Variants in NRP1 observed in about 807,000 individuals in gnomAD.
The protein encoded by NRP1 is neuropilin 1.
Under a neutral mutation model 106.7 loss-of-function variants are expected in NRP1, and 35 were observed. The ratio of observed to expected loss-of-function variants is 0.33; its 90% CI spans 0.25 to 0.43. The LOEUF (loss-of-function observed/expected upper bound fraction) is 0.43. NRP1 is among the 20% of genes least tolerant of loss of function. NRP1 has a pLI of 1.00. For missense variants in NRP1, 1,024 were observed against 1,170.4 expected (o/e 0.87, Z 1.83); for synonymous variants, 437 against 417.9 (o/e 1.05, Z -0.56).
chr10:33,281,183 G>A (rs1209306770), intron 2 of NRP1, among the ~76,000 whole-genome samples: 1 of 151,806 alleles, frequency 6.6e-6, no homozygotes, highest in Non-Finnish European at 1.5e-5. Flanking sequence ...CCAAGTAGCT[G>A]GGATTACAGG....
At chr10:33,229,299 G>A (rs985820621) in intron 6 of NRP1, among the ~76,000 whole-genome samples, 6 of 152,126 alleles carry the variant, frequency 3.9e-5, no homozygotes, top group Admixed American at 2.6e-4. Context: ...TCACAATGCC[G>A]CAATCTAAAA....
intron 2 of NRP1, among the ~76,000 whole-genome samples, chr10:33,314,695 G>A (rs1471617732): frequency 2.0e-5 from 3 of 152,140 alleles, no homozygotes; most frequent in Non-Finnish European, 4.4e-5. Flanking sequence ...GAGAGCCCAG[G>A]CAGCAGTGGA....
In NRP1 at chr10:33,334,272, G is replaced by A; in HGVS notation, c.73+38C>T. On this transcript the variant is annotated intron_variant, in intron 1 of 16. Coordinates refer to ENST00000374867, the MANE Select transcript of NRP1 (RefSeq NM_003873.7). ...GTCCGGGGCGGGCAGCTGGGAGCCG[G>A]GGCGCCGCTGTCACCCGCGCCTCTG... 3 of 1,527,558 alleles carry A rather than the reference G, an allele frequency of 2.0e-6. No individual in the cohort carries two copies. In the South Asian group the frequency reaches 3.6e-5, roughly 18 times the overall value. 94.6% of individuals were successfully genotyped at this position (1,527,558 alleles called of 1,614,324 possible). A position where few individuals can be genotyped will look rare whatever the true frequency, so the allele number is the denominator to read the frequency against.
At chr10:33,184,670 C>A (rs1352155098) in intron 15 of NRP1, among the ~76,000 whole-genome samples, 1 of 152,310 alleles carries the variant, frequency 6.6e-6, no homozygotes, top group East Asian at 1.9e-4. Context: ...AGCAGATTCC[C>A]TTTAATAGTA....
rs367958671 is a variant in NRP1, at chr10:33,244,648, T to C, written c.981+9380A>G. On this transcript the variant is annotated intron_variant, in intron 6 of 16. Transcript: ENST00000374867. Reference sequence around the variant, plus strand: ...CTATTTAGGTTACAGAAGTGGAAACTTAATATTATCTTTCCCATGAAAAGA... The same window carrying C: ...CTATTTAGGTTACAGAAGTGGAAACCTAATATTATCTTTCCCATGAAAAGA... Among the ~76,000 whole-genome samples, 3 of 152,196 alleles carry C rather than the reference T, an allele frequency of 2.0e-5. No homozygotes were observed. In the East Asian group the frequency reaches 5.8e-4, roughly 29 times the overall value.
chr10:33,199,387 ATATTTTTTTTTTTT>A (rs1375319981), intron 11 of NRP1, among the ~76,000 whole-genome samples: 1 of 55,772 alleles, frequency 1.8e-5, no homozygotes, highest in Admixed American at 2.3e-4. Context: ...ATATATATAT[ATATTTTTTTTTTTT>A]TTTTTTTTTT....
At chr10:33,272,392 C>A (rs534733564) in intron 2 of NRP1, among the ~76,000 whole-genome samples, 1 of 152,278 alleles carries the variant, frequency 6.6e-6, no homozygotes, top group African/African-American at 2.4e-5. Flanking sequence ...CTGCTAACAC[C>A]ACCGTCCCTT....
At chr10:33,205,962 A>C in intron 10 of NRP1, 1 of 219,022 alleles carries the variant, frequency 4.6e-6, no homozygotes, top group Non-Finnish European at 9.5e-6. Flanking sequence ...TTTCAAAGTT[A>C]AACTATAAGT....
chr10:33,256,566 C>T (rs1346559235), intron 4 of NRP1, 95 bp from the exon 5 acceptor site: 2 of 1,379,008 alleles, frequency 1.5e-6, no homozygotes, highest in African/African-American at 2.9e-5. Context: ...CAGTAGAACC[C>T]AGAAGTGTTT....
At chr10:33,274,338 C>T (rs1486527596) in intron 2 of NRP1, among the ~76,000 whole-genome samples, 1 of 152,168 alleles carries the variant, frequency 6.6e-6, no homozygotes, top group Non-Finnish European at 1.5e-5. Flanking sequence ...TGAGTCCTAA[C>T]AGTAATCACA....
chr10:33,199,489 C>T (rs761894730), intron 11 of NRP1, among the ~76,000 whole-genome samples: 8 of 139,146 alleles, frequency 5.7e-5, no homozygotes, highest in South Asian at 2.4e-4. Context: ...GTGATCTTCT[C>T]GCTTTGGCCT....
intron 2 of NRP1, among the ~76,000 whole-genome samples, chr10:33,278,531 C>G (rs893463699): frequency 1.3e-5 from 2 of 152,050 alleles, no homozygotes; most frequent in African/African-American, 4.8e-5. Flanking sequence ...CCTCACCTCT[C>G]TTGCAGAAAA....
intron 2 of NRP1, among the ~76,000 whole-genome samples, chr10:33,276,621 G>C (rs74979005): frequency 6.6e-6 from 1 of 152,078 alleles, no homozygotes; most frequent in Non-Finnish European, 1.5e-5. Flanking sequence ...TGCCTACTTC[G>C]GGGCAAGCTT....
At chr10:33,259,322 G>GA (rs1430523129) in intron 4 of NRP1, among the ~76,000 whole-genome samples, 1 of 152,064 alleles carries the variant, frequency 6.6e-6, no homozygotes, top group African/African-American at 2.4e-5. Context: ...CTCAAGATAC[G>GA]AGAGTGAAAG....
chr10:33,333,456 C>G (rs1481524074), intron 1 of NRP1, among the ~76,000 whole-genome samples: 1 of 152,142 alleles, frequency 6.6e-6, no homozygotes, highest in African/African-American at 2.4e-5. Context: ...TTCTTTTCTT[C>G]TAATTACTGT....
intron 2 of NRP1, among the ~76,000 whole-genome samples, chr10:33,317,148 C>G (rs1284431528): frequency 2.0e-5 from 3 of 152,336 alleles, no homozygotes; most frequent in African/African-American, 7.2e-5. Context: ...GGTCTCCCAG[C>G]CACATCTGTA....
At chr10:33,259,294 C>T (rs1363587519) in intron 4 of NRP1, among the ~76,000 whole-genome samples, 1 of 152,192 alleles carries the variant, frequency 6.6e-6, no homozygotes, top group Admixed American at 6.5e-5. Context: ...CAACAGCGTG[C>T]CACTCTCTTT....
At chr10:33,279,773 C>T (rs1286654685) in intron 2 of NRP1, among the ~76,000 whole-genome samples, 1 of 152,152 alleles carries the variant, frequency 6.6e-6, no homozygotes, top group Non-Finnish European at 1.5e-5. Flanking sequence ...GTGATAGGTA[C>T]TGAAGGGAGG....
chr10:33,332,976 C>G (rs2132989697), intron 1 of NRP1, among the ~76,000 whole-genome samples: 1 of 151,754 alleles, frequency 6.6e-6, no homozygotes, highest in East Asian at 2.0e-4. Context: ...ATCTTGTGAA[C>G]ACCCCCACTA....
Sources: allele counts gnomAD v4.1 joint callset (sites outside exome capture counted in the v4.1 genomes callset), GRCh38; gene constraint gnomAD v4.1.1; transcripts MANE v1.5; gene names NCBI Gene and HGNC (gene_info 2026-07-23, HGNC 2026-07-21).